The following TNFSF4 variants were observed in gnomAD, a reference collection of about 807,000 sequenced individuals.
The protein encoded by TNFSF4 is TNF superfamily member 4, also known as tumor necrosis factor ligand superfamily member 4.
TNFSF4 carries 4 observed loss-of-function variants against 7.3 expected under a neutral mutation model. The observed-to-expected ratio is 0.55, with a 90% CI of 0.27 to 1.25. The LOEUF (loss-of-function observed/expected upper bound fraction) is 1.25. Ranked by LOEUF, TNFSF4 falls within the 50% of genes most tolerant of loss-of-function variation. The pLI is 0.12. For missense variants in TNFSF4, 181 were observed against 208.8 expected (o/e 0.87, Z 0.82); for synonymous variants, 76 against 83.7 (o/e 0.91, Z 0.50).
At chr1:173,264,808 GTTTC>G in the TNFSF4 span, among the ~76,000 whole-genome samples, 274 of 152,236 alleles carry the variant, frequency 1.8e-3, no homozygotes, top group Middle Eastern at 3.4e-3. Flanking sequence ...TTCCCTCCCT[GTTTC>G]TTTCTAAAAT....
the TNFSF4 span, among the ~76,000 whole-genome samples, chr1:173,276,375 G>C: frequency 6.6e-6 from 1 of 152,106 alleles, no homozygotes; most frequent in African/African-American, 2.4e-5. Flanking sequence ...CTACCACACA[G>C]TCTCAGAGTG....
At chr1:173,444,754 G>A in the TNFSF4 span, among the ~76,000 whole-genome samples, 1 of 152,132 alleles carries the variant, frequency 6.6e-6, no homozygotes, top group Non-Finnish European at 1.5e-5. Context: ...GGTGGGAGAA[G>A]AGAAGAATGA....
At chr1:173,371,875 C>T in the TNFSF4 span, among the ~76,000 whole-genome samples, 3 of 152,208 alleles carry the variant, frequency 2.0e-5, no homozygotes, top group Admixed American at 6.5e-5. Flanking sequence ...ACAGACCACA[C>T]GTCCCAACTT....
chr1:173,291,841 A>T, the TNFSF4 span, among the ~76,000 whole-genome samples: 2 of 152,122 alleles, frequency 1.3e-5, no homozygotes, highest in African/African-American at 4.8e-5. Context: ...ACAGAAATAT[A>T]AATAGTCCTC....
chr1:173,299,388 A>G, the TNFSF4 span, among the ~76,000 whole-genome samples: 1 of 151,886 alleles, frequency 6.6e-6, no homozygotes. Flanking sequence ...CCTTGCCCCA[A>G]GGTGTTAGGA....
chr1:173,338,826 C>T, the TNFSF4 span, among the ~76,000 whole-genome samples: 12 of 152,134 alleles, frequency 7.9e-5, no homozygotes, highest in Non-Finnish European at 1.8e-4. Context: ...GCTGCCCAGA[C>T]ACTTGAGGAT....
the TNFSF4 span, among the ~76,000 whole-genome samples, chr1:173,271,412 C>A: frequency 1.3e-5 from 2 of 152,016 alleles, no homozygotes; most frequent in African/African-American, 4.8e-5. Flanking sequence ...GGATCCTTTC[C>A]CCATTTCTTG....
At chr1:173,213,490 T>C in the TNFSF4 span, among the ~76,000 whole-genome samples, 150 of 152,316 alleles carry the variant, frequency 9.8e-4, no homozygotes, top group African/African-American at 3.5e-3. Context: ...AAATTGCGTA[T>C]TTAAAATATG....
the TNFSF4 span, among the ~76,000 whole-genome samples, chr1:173,300,136 T>C: frequency 7.0e-5 from 9 of 128,844 alleles, no homozygotes; most frequent in South Asian, 2.0e-3. Flanking sequence ...GATAGATAGA[T>C]AGATAATAAA....
the TNFSF4 span, among the ~76,000 whole-genome samples, chr1:173,380,132 T>A: frequency 6.6e-6 from 1 of 152,192 alleles, no homozygotes; most frequent in Non-Finnish European, 1.5e-5. Flanking sequence ...ATCCGAGGAA[T>A]CCTGGGACAG....
the TNFSF4 span, among the ~76,000 whole-genome samples, chr1:173,449,543 G>A: frequency 5.9e-5 from 9 of 151,774 alleles, no homozygotes; most frequent in Non-Finnish European, 5.9e-5. Flanking sequence ...TTGTAGAGAC[G>A]GGGTTTTGCC....
chr1:173,427,426 AC>A, the TNFSF4 span, among the ~76,000 whole-genome samples: 1 of 150,840 alleles, frequency 6.6e-6, no homozygotes, highest in Non-Finnish European at 1.5e-5. Flanking sequence ...CCCCCCACTG[AC>A]CCCACAACAA....
At chr1:173,373,958 G>T in the TNFSF4 span, among the ~76,000 whole-genome samples, 1 of 152,182 alleles carries the variant, frequency 6.6e-6, no homozygotes, top group Non-Finnish European at 1.5e-5. Flanking sequence ...GGGTGCTAGG[G>T]ATACAATATC....
At chr1:173,355,132 T>C in the TNFSF4 span, among the ~76,000 whole-genome samples, 1 of 152,200 alleles carries the variant, frequency 6.6e-6, no homozygotes, top group African/African-American at 2.4e-5. Flanking sequence ...AATGGCATTA[T>C]TCTTACCTCT....
chr1:173,248,552 C>T, the TNFSF4 span, among the ~76,000 whole-genome samples: 3 of 150,708 alleles, frequency 2.0e-5, no homozygotes, highest in South Asian at 2.1e-4. Context: ...GAAAATTTCA[C>T]GAAAGAAAGA....
chr1:173,176,826 A>T, the TNFSF4 span, among the ~76,000 whole-genome samples: 1 of 152,202 alleles, frequency 6.6e-6, no homozygotes, highest in African/African-American at 2.4e-5. Context: ...TTGCAGCAAC[A>T]CGGATGGAAC....
chr1:173,433,383 A>G, the TNFSF4 span, among the ~76,000 whole-genome samples: 1 of 152,112 alleles, frequency 6.6e-6, no homozygotes, highest in Non-Finnish European at 1.5e-5. Context: ...ATAAATAAGT[A>G]AACAAACATC....
At chr1:173,421,943 T>G in the TNFSF4 span, among the ~76,000 whole-genome samples, 1 of 152,128 alleles carries the variant, frequency 6.6e-6, no homozygotes, top group Admixed American at 6.5e-5. Flanking sequence ...TATCTTCCAG[T>G]ATTTGAGTGA....
chr1:173,386,300 T>C, the TNFSF4 span, among the ~76,000 whole-genome samples: 1 of 152,076 alleles, frequency 6.6e-6, no homozygotes, highest in Admixed American at 6.5e-5. Flanking sequence ...GCACAAGTGG[T>C]AAACGTTGGC....
Sources: allele counts gnomAD v4.1 joint callset (sites outside exome capture counted in the v4.1 genomes callset), GRCh38; gene constraint gnomAD v4.1.1; transcripts MANE v1.5; gene names NCBI Gene and HGNC (gene_info 2026-07-23, HGNC 2026-07-21).